The following CHST8 variants were observed in gnomAD, a reference collection of about 807,000 sequenced individuals.
CHST8 encodes the protein GALNAC-4-ST1.
A neutral mutation model predicts 15.0 loss-of-function variants in CHST8; 10 were observed. The ratio of observed to expected loss-of-function variants is 0.67; its 90% CI spans 0.41 to 1.13. The LOEUF (loss-of-function observed/expected upper bound fraction) is 1.13. Ranked by LOEUF, CHST8 falls within the 50% of genes most tolerant of loss-of-function variation. CHST8 has a pLI of 0.00. For missense variants in CHST8, 634 were observed against 608.2 expected (o/e 1.04, Z -0.45); for synonymous variants, 259 against 256.6 (o/e 1.01, Z -0.09).
At chr19:33,725,637 C>T (rs1973879573) in intron 3 of CHST8, among the ~76,000 whole-genome samples, 1 of 152,240 alleles carries the variant, frequency 6.6e-6, no homozygotes, top group African/African-American at 2.4e-5. Flanking sequence ...GGCTCTCCCA[C>T]CCACTCTGGC....
intron 3 of CHST8, among the ~76,000 whole-genome samples, chr19:33,743,390 C>G (rs2145344012): frequency 6.6e-6 from 1 of 151,560 alleles, no homozygotes; most frequent in East Asian, 1.9e-4. Context: ...GGCTCCGCCC[C>G]CCGGGGGTTC....
intron 3 of CHST8, among the ~76,000 whole-genome samples, chr19:33,720,439 T>TACCACACATACCC (rs1448551009): frequency 2.7e-5 from 4 of 148,834 alleles, no homozygotes; most frequent in Non-Finnish European, 6.0e-5. Context: ...CACACATATA[T>TACCACACATACCC]ACCACACATA....
At chr19:33,702,121 T>A (rs888718618) in intron 3 of CHST8, among the ~76,000 whole-genome samples, 12 of 152,132 alleles carry the variant, frequency 7.9e-5, no homozygotes, top group Non-Finnish European at 1.6e-4. Context: ...ATTACAGGCA[T>A]GCACCACCAC....
At chr19:33,724,096 C>T (rs1973848884) in intron 3 of CHST8, among the ~76,000 whole-genome samples, 1 of 152,176 alleles carries the variant, frequency 6.6e-6, no homozygotes, top group African/African-American at 2.4e-5. Flanking sequence ...CCGGGCCTGG[C>T]TCCTCGGTGC....
At chr19:33,688,238 C>T (rs1008543109) in intron 2 of CHST8, among the ~76,000 whole-genome samples, 1 of 152,254 alleles carries the variant, frequency 6.6e-6, no homozygotes, top group East Asian at 1.9e-4. Flanking sequence ...GGGGTGCCCC[C>T]ATCTCCATGC....
At chr19:33,743,386 G>GC (rs578246109) in intron 3 of CHST8, among the ~76,000 whole-genome samples, 12 of 141,054 alleles carry the variant, frequency 8.5e-5, no homozygotes, top group African/African-American at 1.8e-4. Flanking sequence ...TGCAGGCTCC[G>GC]CCCCCCGGGG....
Position 33,628,595 on chromosome 19 carries a change from A to G in CHST8, c.-164+6299A>G, listed in dbSNP as rs1448281114. Among the ~76,000 whole-genome samples, 6 of 152,150 alleles carry G rather than the reference A, an allele frequency of 3.9e-5. No individual in the cohort carries two copies. In the East Asian group the frequency reaches 1.2e-3, roughly 29 times the overall value. On this transcript the variant is annotated intron_variant, in intron 1 of 4. Coordinates refer to ENST00000650847, the MANE Select transcript of CHST8 (RefSeq NM_001127895.2). ...AGGCAGTGCATCTACGCTGGTTGAAACTAGTGGGCGGTGTAGGCGGTGCGT... is the reference window on the plus strand; with the variant it reads ...AGGCAGTGCATCTACGCTGGTTGAAGCTAGTGGGCGGTGTAGGCGGTGCGT...
chr19:33,645,932 G>T (rs1420315333), intron 1 of CHST8, among the ~76,000 whole-genome samples: 3 of 152,110 alleles, frequency 2.0e-5, no homozygotes, highest in Non-Finnish European at 4.4e-5. Flanking sequence ...TTCAAGACTA[G>T]CCTGGGCAAC....
chr19:33,721,270 A>C (rs920822672), intron 3 of CHST8, among the ~76,000 whole-genome samples: 1 of 152,174 alleles, frequency 6.6e-6, no homozygotes, highest in Non-Finnish European at 1.5e-5. Flanking sequence ...GCCCTGAGCC[A>C]ACTCACATTC....
At chr19:33,711,852 C>T (rs959423331) in intron 3 of CHST8, among the ~76,000 whole-genome samples, 3 of 152,090 alleles carry the variant, frequency 2.0e-5, no homozygotes, top group African/African-American at 7.2e-5. Flanking sequence ...AGGCTGGTCT[C>T]GAACTCCTGA....
At chr19:33,635,680 G>A (rs1972185759) in intron 1 of CHST8, among the ~76,000 whole-genome samples, 1 of 152,148 alleles carries the variant, frequency 6.6e-6, no homozygotes, top group Non-Finnish European at 1.5e-5. Context: ...TGGAAAAAAT[G>A]CGGGCTTAGT....
At chr19:33,692,437 C>T (rs1973114755) in intron 3 of CHST8, among the ~76,000 whole-genome samples, 1 of 152,170 alleles carries the variant, frequency 6.6e-6, no homozygotes, top group African/African-American at 2.4e-5. Context: ...GTGGCACGTG[C>T]CTGTAATCTC....
Position 33,632,765 on chromosome 19 carries a change from G to C in CHST8, c.-164+10469G>C, listed in dbSNP as rs975424789. ...GTTTTCCTTGTGTGTGTGTGTGTGT[G>C]TGTGTGTATGTGTGTGTGTTTGAGA... On this transcript the variant is annotated intron_variant, in intron 1 of 4. Transcript: ENST00000650847. Among the ~76,000 whole-genome samples, 20 of 152,032 alleles carry C rather than the reference G, an allele frequency of 1.3e-4. No individual in the cohort carries two copies. In the South Asian group the frequency reaches 2.5e-3, roughly 19 times the overall value.
intron 3 of CHST8, among the ~76,000 whole-genome samples, chr19:33,709,032 T>C (rs938079647): frequency 2.0e-5 from 3 of 152,232 alleles, no homozygotes; most frequent in African/African-American, 7.2e-5. Context: ...TTGGGATCAT[T>C]CATTGCTAAT....
At chr19:33,720,273 C>T (rs1377477759) in intron 3 of CHST8, among the ~76,000 whole-genome samples, 2 of 151,598 alleles carry the variant, frequency 1.3e-5, no homozygotes, top group African/African-American at 4.9e-5. Flanking sequence ...CACACATACG[C>T]AGGCCACACA....
At chr19:33,663,964 G>C (rs1045986838) in intron 1 of CHST8, among the ~76,000 whole-genome samples, 1 of 152,186 alleles carries the variant, frequency 6.6e-6, no homozygotes, top group African/African-American at 2.4e-5. Flanking sequence ...GTGAAAAAAA[G>C]CAAACCGTAG....
At chr19:33,665,419 T>C (rs950499802) in intron 1 of CHST8, among the ~76,000 whole-genome samples, 1 of 152,166 alleles carries the variant, frequency 6.6e-6, no homozygotes, top group African/African-American at 2.4e-5. Context: ...CACCCACAGA[T>C]GATACAGAAC....
chr19:33,672,248 A>G (rs1972747608), intron 2 of CHST8, among the ~76,000 whole-genome samples: 1 of 151,948 alleles, frequency 6.6e-6, no homozygotes, highest in South Asian at 2.1e-4. Flanking sequence ...CCCAGGCTGG[A>G]GTGCAGTAGT....
At chr19:33,753,230 G>A (rs1363916759) in intron 3 of CHST8, among the ~76,000 whole-genome samples, 3 of 151,906 alleles carry the variant, frequency 2.0e-5, no homozygotes, top group Non-Finnish European at 2.9e-5. Context: ...TAGCCTGCAT[G>A]TAGCTTCTCC....
Sources: gnomAD v4.1 joint callset for allele counts (sites outside exome capture counted in the v4.1 genomes callset) on GRCh38, gnomAD v4.1.1 for gene constraint, MANE v1.5 for transcripts, NCBI Gene and HGNC (gene_info 2026-07-23, HGNC 2026-07-21) for gene names.